MTFR1: variants seen among roughly 807,000 people sequenced by gnomAD.
MTFR1 encodes the protein mitochondrial fission regulator 1, also known as chondrocyte protein with a poly-proline region.
In MTFR1, 28 loss-of-function variants were observed where a neutral mutation model predicts 38.8. The ratio of observed to expected loss-of-function variants is 0.72; its 90% CI spans 0.53 to 0.99. The LOEUF (loss-of-function observed/expected upper bound fraction) is 0.99, where lower values mean the gene tolerates loss of function less well. Ranked by LOEUF, MTFR1 falls within the 50% of genes least tolerant of loss-of-function variation. The pLI is 0.00. For synonymous variants in MTFR1, 145 were observed against 137.0 expected, an observed-to-expected ratio of 1.06 and a Z score of -0.41; for missense variants, 358 against 395.5, an observed-to-expected ratio of 0.91 and a Z score of 0.81.
chr8:65,771,263 A>G (rs977894526), downstream of MTFR1: 2 of 153,394 alleles, frequency 1.3e-5, no homozygotes, highest in African/African-American at 4.8e-5. Context: ...TCTTAAAAGA[A>G]AAGTTCAATA....
chr8:65,707,777 A>T, intron 6 of MTFR1, 66 bp from the exon 7 acceptor site: 1 of 1,561,634 alleles, frequency 6.4e-7, no homozygotes, highest in Non-Finnish European at 8.7e-7. Context: ...AAAGGTTGAC[A>T]AAGTACTTCC....
chr8:65,757,369 T>C (rs1402133022), intron 3 of MTFR1, among the ~76,000 whole-genome samples: 1 of 152,226 alleles, frequency 6.6e-6, no homozygotes, highest in Non-Finnish European at 1.5e-5. Context: ...CCCCTGGTTT[T>C]CATACATGGA....
chr8:65,704,015 C>T (rs931879126), intron 4 of MTFR1, among the ~76,000 whole-genome samples: 1 of 152,094 alleles, frequency 6.6e-6, no homozygotes. Context: ...GGAGTTATAC[C>T]AGCCTGGGCA....
rs1180926410 is a variant in MTFR1 at position 65,704,787 on chromosome 8, A to G, written c.375A>G (p.Gln125=). 2 of 1,614,112 alleles carry G rather than the reference A, an allele frequency of 1.2e-6. No individual in the cohort carries two copies. Among genetic ancestry groups the G allele is most frequent in the Non-Finnish European group, 1.7e-6 (2 of 1,180,020 alleles). ...SRQISLPDLS[Q]EEPQLKTPAL... ...AGATTTCCTTACCAGACTTGTCTCAAGAAGAGCCTCAGCTGAAGACCCCAG... is the reference window on the plus strand; with the variant it reads ...AGATTTCCTTACCAGACTTGTCTCAGGAAGAGCCTCAGCTGAAGACCCCAG... Residue 125 remains glutamine (Q), a synonymous_variant, in exon 5 of 8, where the codon CAA becomes CAG. Coordinates refer to ENST00000262146, the MANE Select transcript of MTFR1 (RefSeq NM_014637.4).
At chr8:65,693,972 G>A (rs142815411) in intron 4 of MTFR1, among the ~76,000 whole-genome samples, 1 of 151,400 alleles carries the variant, frequency 6.6e-6, no homozygotes, top group South Asian at 2.1e-4. Flanking sequence ...GTGTGATCTT[G>A]CTTCACTGCA....
rs1485831510 is a variant in MTFR1 at position 65,709,928 on chromosome 8, G to C, written c.*884G>C. On this transcript the variant is annotated 3_prime_UTR_variant, in exon 8 of 8. Coordinates refer to ENST00000262146, the MANE Select transcript of MTFR1 (RefSeq NM_014637.4). ...TATAAGCCAAAATATTAACTTTAAT[G>C]AAACATTGACTTGGCAAATGAATTT... 6.6e-6 allele frequency: 1 copy of C among 152,546 alleles called. No individual in the cohort carries two copies. The highest frequency in any genetic ancestry group is 1.5e-5 in the Non-Finnish European group (1 of 68,016). 9.4% of individuals were successfully genotyped at this position (152,546 alleles called of 1,614,324 possible).
At chr8:65,692,331 T>G (rs1805304767) in intron 3 of MTFR1, among the ~76,000 whole-genome samples, 1 of 152,168 alleles carries the variant, frequency 6.6e-6, no homozygotes. Flanking sequence ...TTTCAAGATA[T>G]CCTGCTTGTC....
intron 3 of MTFR1, among the ~76,000 whole-genome samples, chr8:65,730,168 C>CTTTTTTTTTTTTTTT (rs1563473710): frequency 6.3e-5 from 2 of 31,668 alleles, no homozygotes; most frequent in Non-Finnish European, 5.8e-5. Flanking sequence ...AGGTTGCGCA[C>CTTTTTTTTTTTTTTT]TTCTTTTTTT....
chr8:65,689,609 C>G, intron 3 of MTFR1: 1 of 1,269,438 alleles, frequency 7.9e-7, no homozygotes. Context: ...AGTAAGTTGT[C>G]CTTTTCTTTC....
At chr8:65,681,505 G>T (rs1230100288) in intron 2 of MTFR1, among the ~76,000 whole-genome samples, 2 of 152,120 alleles carry the variant, frequency 1.3e-5, no homozygotes, top group East Asian at 3.9e-4. Context: ...GCTTTTAATA[G>T]CATACTACCT....
downstream of MTFR1, among the ~76,000 whole-genome samples, chr8:65,774,595 G>A (rs1412309790): frequency 6.6e-6 from 1 of 151,254 alleles, no homozygotes; most frequent in East Asian, 1.9e-4. Flanking sequence ...ATTTACCACA[G>A]AAATTAAGTA....
intron 5 of MTFR1, among the ~76,000 whole-genome samples, chr8:65,706,322 T>G (rs1805778872): frequency 6.6e-6 from 1 of 152,242 alleles, no homozygotes; most frequent in Admixed American, 6.5e-5. Flanking sequence ...ATCTTTTACA[T>G]CAACACCTCC....
chr8:65,713,387 G>C (rs1806007651), downstream of MTFR1, among the ~76,000 whole-genome samples: 1 of 150,748 alleles, frequency 6.6e-6, no homozygotes, highest in Admixed American at 6.7e-5. Flanking sequence ...GTTGCAGTGA[G>C]CCAAGATCAC....
intron 3 of MTFR1, among the ~76,000 whole-genome samples, chr8:65,744,949 A>C (rs1371250888): frequency 6.6e-6 from 1 of 152,226 alleles, no homozygotes; most frequent in Non-Finnish European, 1.5e-5. Context: ...CTGTGTCCCC[A>C]GCCAAATCTC....
intron 3 of MTFR1, chr8:65,725,053 T>G (rs1033631059): frequency 3.3e-5 from 16 of 485,162 alleles, no homozygotes; most frequent in Middle Eastern, 8.7e-4. Flanking sequence ...AATTTAAAAT[T>G]TATCACACAA....
At chr8:65,701,814 A>G (rs1805617981) in intron 4 of MTFR1, among the ~76,000 whole-genome samples, 1 of 152,130 alleles carries the variant, frequency 6.6e-6, no homozygotes, top group African/African-American at 2.4e-5. Flanking sequence ...TCCATAGGAA[A>G]TACTTAACAA....
At chr8:65,743,334 A>G (rs1807524721) in intron 3 of MTFR1, among the ~76,000 whole-genome samples, 1 of 152,210 alleles carries the variant, frequency 6.6e-6, no homozygotes, top group South Asian at 2.1e-4. Context: ...TGTGTAAATG[A>G]TATCAGAGCC....
intron 4 of MTFR1, among the ~76,000 whole-genome samples, chr8:65,699,923 A>G (rs1805561441): frequency 6.6e-6 from 1 of 152,208 alleles, no homozygotes; most frequent in Non-Finnish European, 1.5e-5. Context: ...TGTTGATGAC[A>G]TTTCTATAAC....
intron 3 of MTFR1, among the ~76,000 whole-genome samples, chr8:65,740,694 C>A (rs1031729959): frequency 6.6e-6 from 1 of 152,210 alleles, no homozygotes; most frequent in Non-Finnish European, 1.5e-5. Flanking sequence ...AGCTACCACG[C>A]CTGGCCAAGT....
Sources: allele counts gnomAD v4.1 joint callset (sites outside exome capture counted in the v4.1 genomes callset), GRCh38; gene constraint gnomAD v4.1.1; transcripts MANE v1.5; gene names NCBI Gene and HGNC (gene_info 2026-07-23, HGNC 2026-07-21).